The following AOC1 variants were observed in gnomAD, a reference collection of about 807,000 sequenced individuals.
AOC1 encodes diamine oxidase [copper-containing].
In AOC1, 58 loss-of-function variants were observed where a neutral mutation model predicts 57.1. The ratio of observed to expected loss-of-function variants is 1.02; its 90% CI spans 0.82 to 1.26. AOC1 has a LOEUF of 1.26. Among genes scored for constraint, AOC1 ranks in the 50% most tolerant of loss-of-function variants. The pLI is 0.00. For missense variants in AOC1, 917 were observed against 1,005.3 expected, an observed-to-expected ratio of 0.91 and a Z score of 1.19; for synonymous variants, 401 against 423.4, an observed-to-expected ratio of 0.95 and a Z score of 0.65.
Position 150,857,848 on chromosome 7 carries a change from A to C in AOC1, c.1378A>C (p.Asn460His), listed in dbSNP as rs1233616636. 2 of 1,613,856 alleles carry C rather than the reference A, an allele frequency of 1.2e-6. No individual in the cohort carries two copies. Among genetic ancestry groups the C allele is most frequent in the African/African-American group, 2.7e-5 (2 of 74,922 alleles). Residue 460 changes from asparagine (N) to histidine (H), a missense_variant, in exon 2 of 5, where the codon AAT (asparagine) becomes CAT (histidine). Physicochemically the swap from Asn to His is moderately conservative, Grantham distance 68. Coordinates refer to ENST00000360937, the MANE Select transcript of AOC1 (RefSeq NM_001091.4). This position sits in a 1 kb window ranked among gnomAD's most constrained non-coding sequence, Gnocchi z 6.6. ...LVLRTTSTVYNYDYIWDFIFY... is the reference protein window; with the variant it reads ...LVLRTTSTVYHYDYIWDFIFY... ...GCTGCGGACAACTTCAACTGTCTAC[A>C]ATTATGATTACATTTGGGACTTTAT...
intron 2 of AOC1, 124 bp downstream of exon 2, chr7:150,858,164 C>A: frequency 7.7e-7 from 1 of 1,297,964 alleles, no homozygotes; most frequent in Non-Finnish European, 1.0e-6. Flanking sequence ...AAGCCTGCTT[C>A]TGTAAAACCT....
chr7:150,855,350 C>T (rs896410772), intron 1 of AOC1, among the ~76,000 whole-genome samples: 10 of 152,150 alleles, frequency 6.6e-5, no homozygotes, highest in Non-Finnish European at 1.0e-4. Flanking sequence ...GTAGCAACAG[C>T]GCAACAGGCA....
Position 150,856,518 on chromosome 7 carries a change from G to T in AOC1, c.48G>T (p.Thr16=). Residue 16 remains threonine (T), a synonymous_variant, in exon 2 of 5, where the codon ACG becomes ACT. Transcript: ENST00000360937. This position sits in a 1 kb window ranked among gnomAD's most constrained non-coding sequence, Gnocchi z 5.2. ...WAVAAILMLQ[T]AMAEPSPGTL... ...TGGCTGCCATCCTGATGCTGCAGACGGCCATGGCGGAGCCCTCCCCGGGGA... is the reference window on the plus strand; with the variant it reads ...TGGCTGCCATCCTGATGCTGCAGACTGCCATGGCGGAGCCCTCCCCGGGGA... 1 of 1,614,038 alleles carries T rather than the reference G, an allele frequency of 6.2e-7. No individual in the cohort carries two copies. Among genetic ancestry groups the T allele is most frequent in the Non-Finnish European group, 8.5e-7 (1 of 1,179,950 alleles).
chr7:150,854,443 C>G (rs1293252270), intron 1 of AOC1, among the ~76,000 whole-genome samples: 1 of 152,198 alleles, frequency 6.6e-6, no homozygotes, highest in African/African-American at 2.4e-5. Context: ...AAGAACTGCC[C>G]ATCGTGTACA....
chr7:150,860,313 A>C, intron 3 of AOC1, 188 bp from the exon 4 acceptor site: 1 of 839,952 alleles, frequency 1.2e-6, no homozygotes, highest in Non-Finnish European at 1.8e-6. Flanking sequence ...GGGGGCGGGG[A>C]GGACTCCTGT....
chr7:150,854,461 T>C (rs1799715053), intron 1 of AOC1, among the ~76,000 whole-genome samples: 1 of 152,166 alleles, frequency 6.6e-6, no homozygotes, highest in Non-Finnish European at 1.5e-5. Flanking sequence ...ACAAATTAAA[T>C]ACAAAGTGCT....
intron 1 of AOC1, among the ~76,000 whole-genome samples, chr7:150,853,084 G>C (rs1799666958): frequency 6.6e-6 from 1 of 152,214 alleles, no homozygotes; most frequent in Non-Finnish European, 1.5e-5. Flanking sequence ...CAAAACTATG[G>C]AGACAATAAA....
chr7:150,856,851 A>T lies in AOC1; in HGVS notation c.381A>T (p.Ala127=). ...TGCCAGGGCCCTGCTACATGCGAGCACTGTCCCCCAGGCCTGGGTACCAGT... is the reference window on the plus strand; with the variant it reads ...TGCCAGGGCCCTGCTACATGCGAGCTCTGTCCCCCAGGCCTGGGTACCAGT... The part of the protein sequence containing the change: ...GPLPGPCYMR[A]LSPRPGYQSS... The change falls in exon 2 of 5, where the codon GCA becomes GCT. Residue 127 remains alanine, a synonymous_variant. Transcript: ENST00000360937. This position sits in a 1 kb window ranked among gnomAD's most constrained non-coding sequence, Gnocchi z 5.2. 6.2e-7 allele frequency: 1 copy of T among 1,614,078 alleles called. No individual in the cohort carries two copies. Among genetic ancestry groups the T allele is most frequent in the Non-Finnish European group, 8.5e-7 (1 of 1,179,972 alleles).
Position 150,856,965 on chromosome 7 carries a change from C to G in AOC1, c.495C>G (p.Phe165Leu). 6.2e-7 allele frequency: 1 copy of G among 1,614,184 alleles called. No homozygotes were observed. The highest frequency in any genetic ancestry group is 8.5e-7 in the Non-Finnish European group (1 of 1,179,998). ...LQEATKPLHQ[F>L]FLNTTGFSFQ... is the part of the protein sequence containing the mutation. ...AAGCCACCAAGCCCCTGCATCAGTT[C>G]TTCCTCAATACCACAGGCTTCTCAT... Residue 165 changes from phenylalanine to leucine, a missense_variant, in exon 2 of 5, where the codon TTC becomes TTG. Phe to Leu is a conservative substitution (Grantham distance 22, BLOSUM62 0). Coordinates refer to ENST00000360937, the MANE Select transcript of AOC1 (RefSeq NM_001091.4). This position sits in a 1 kb window ranked among gnomAD's most constrained non-coding sequence, Gnocchi z 5.2.
In AOC1 at chr7:150,853,560, A is replaced by G. The variant is rs534140488; in HGVS notation, c.-17+1002A>G. 4.0e-5 allele frequency among the ~76,000 whole-genome samples: 6 copies of G among 151,534 alleles called. No homozygotes were observed. In the South Asian group the frequency reaches 1.0e-3, roughly 26 times the overall value. ...GTCTATTTTTAAAAGTCTATTAAAA[A>G]AAAAGTCTACTATAATCCCAGCACT... On this transcript the variant is annotated intron_variant, in intron 1 of 4. Transcript: ENST00000360937.
chr7:150,858,002 C>T lies in AOC1; in HGVS notation c.1532C>T (p.Thr511Ile). The T allele has an allele frequency of 6.4e-7, 1 of 1,567,550 alleles. No homozygotes were observed. The highest frequency in any genetic ancestry group is 8.6e-7 in the Non-Finnish European group (1 of 1,162,266). ...ACCCACCTGATTGGCAACATACACA[C>T]TCACTTGGTGCACTACCGCGTAGAC... Reference protein sequence around the residue: ...LHTHLIGNIHTHLVHYRVDLD... With the variant: ...LHTHLIGNIHIHLVHYRVDLD... Residue 511 changes from threonine to isoleucine, a missense_variant, in exon 2 of 5, where the codon ACT becomes ATT. Transcript: ENST00000360937.
rs1204865530 is a variant in AOC1, at chr7:150,852,834, C to T, written c.-17+276C>T. Among the ~76,000 whole-genome samples the T allele has an allele frequency of 1.3e-5, 2 of 152,154 alleles. No individual in the cohort carries two copies. Among genetic ancestry groups the T allele is most frequent in the Non-Finnish European group, 1.5e-5 (1 of 68,020 alleles). On this transcript the variant is annotated intron_variant, in intron 1 of 4. Coordinates refer to ENST00000360937, the MANE Select transcript of AOC1 (RefSeq NM_001091.4). The surrounding 1 kb of genome is among the most constrained non-coding windows in gnomAD (Gnocchi z 4.6). ...CCTGCCTGGAGGTCTCACCAGCCAC[C>T]ACCCCCACTGCCACTGCACATGGGG...
Position 150,858,975 on chromosome 7 carries a change from C to G in AOC1, c.1783C>G (p.Leu595Val). 1.9e-6 allele frequency: 3 copies of G among 1,605,942 alleles called. No homozygotes were observed. In the South Asian group the frequency reaches 3.3e-5, roughly 18 times the overall value. The part of the protein sequence containing the change: ...NPWGHKRTYR[L>V]QIHSMADQVL... ...CTGGGGCCACAAGCGCACGTACCGCCTGCAGATCCACTCCATGGCCGACCA... is the reference window on the plus strand; with the variant it reads ...CTGGGGCCACAAGCGCACGTACCGCGTGCAGATCCACTCCATGGCCGACCA... The change falls in exon 3 of 5, where the codon CTG (leucine) becomes GTG (valine). Residue 595 changes from leucine to valine, a missense_variant. Physicochemically the swap from Leu to Val is conservative, Grantham distance 32. Coordinates refer to ENST00000360937, the MANE Select transcript of AOC1 (RefSeq NM_001091.4).
chr7:150,859,604 G>A (rs1340780557), intron 3 of AOC1, among the ~76,000 whole-genome samples: 1 of 150,524 alleles, frequency 6.6e-6, no homozygotes, highest in Non-Finnish European at 1.5e-5. Context: ...TTGGGAGGCT[G>A]AGGCAGGAGA....
At position 150,861,260 on chromosome 7, in the gene AOC1, C is replaced by A; in HGVS notation, c.*51C>A. ...CCTCCCAGGAAGCCCAGGAGCCTCACTGGGGCAGACAATAAACCCTCAGAG... is the reference window on the plus strand; with the variant it reads ...CCTCCCAGGAAGCCCAGGAGCCTCAATGGGGCAGACAATAAACCCTCAGAG... On this transcript the variant is annotated 3_prime_UTR_variant, in exon 5 of 5. Transcript: ENST00000360937. The surrounding 1 kb of genome is among the most constrained non-coding windows in gnomAD (Gnocchi z 4.5). The A allele has an allele frequency of 1.3e-6, 2 of 1,513,226 alleles. No homozygotes were observed. Among genetic ancestry groups the A allele is most frequent in the Non-Finnish European group, 1.8e-6 (2 of 1,125,810 alleles). 93.7% of individuals were successfully genotyped at this position (1,513,226 alleles called of 1,614,324 possible).
At position 150,859,013 on chromosome 7, in the gene AOC1, A is replaced by G; in HGVS notation, c.1821A>G (p.Pro607=). The G allele has an allele frequency of 6.3e-7, 1 of 1,587,718 alleles. No homozygotes were observed. The highest frequency in any genetic ancestry group is 1.3e-5 in the African/African-American group (1 of 74,412). Residue 607 remains proline, a synonymous_variant, in exon 3 of 5, where the codon CCA becomes CCG. Coordinates refer to ENST00000360937, the MANE Select transcript of AOC1 (RefSeq NM_001091.4). The part of the protein sequence containing the change: ...IHSMADQVLP[P]GWQEEQAITW... The stretch of plus-strand genomic sequence containing the variant: ...CCATGGCCGACCAGGTGCTGCCCCC[A>G]GGCTGGCAGGAGGAGCAGGCCATCA...
rs565750754 is a variant in AOC1 at position 150,861,353 on chromosome 7, C to T, written c.*144C>T. 81 of 896,754 alleles carry T rather than the reference C, an allele frequency of 9.0e-5. No individual in the cohort carries two copies. In the South Asian group the frequency reaches 1.2e-3, roughly 13 times the overall value. The allele number at this position is 896,754 out of a possible 1,614,324, so 55.5% of individuals were successfully genotyped here. A position where few individuals can be genotyped will look rare whatever the true frequency, so the allele number is the denominator to read the frequency against. ...TGTGTGTAGGAAACACACGAACAGA[C>T]GTGCACACACACAGACGTGCACACA... On this transcript the variant is annotated 3_prime_UTR_variant, in exon 5 of 5. Transcript: ENST00000360937. This position sits in a 1 kb window ranked among gnomAD's most constrained non-coding sequence, Gnocchi z 4.5.
In AOC1 at chr7:150,857,028, T is replaced by G; in HGVS notation, c.558T>G (p.Asp186Glu). The change falls in exon 2 of 5, where the codon GAT becomes GAG. Residue 186 changes from aspartate (D) to glutamate (E), a missense_variant. Coordinates refer to ENST00000360937, the MANE Select transcript of AOC1 (RefSeq NM_001091.4). The surrounding 1 kb of genome is among the most constrained non-coding windows in gnomAD (Gnocchi z 6.6). ...DCHDRCLAFT[D>E]VAPRGVASGQ... ...ATGACAGATGCCTGGCCTTCACCGA[T>G]GTGGCCCCCCGGGGTGTGGCTTCTG... 6.2e-7 allele frequency: 1 copy of G among 1,614,146 alleles called. No homozygotes were observed. Among genetic ancestry groups the G allele is most frequent in the Non-Finnish European group, 8.5e-7 (1 of 1,179,996 alleles).
chr7:150,859,104 G>A, intron 3 of AOC1, 56 bp downstream of exon 3: 1 of 1,450,236 alleles, frequency 6.9e-7, no homozygotes, highest in Non-Finnish European at 9.1e-7. Context: ...CAGTGTGTGT[G>A]TCTGTGTCTG....
Sources: allele counts gnomAD v4.1 joint callset (sites outside exome capture counted in the v4.1 genomes callset), GRCh38; gene constraint gnomAD v4.1.1; non-coding constraint Gnocchi (gnomAD v3.1); transcripts MANE v1.5; gene names NCBI Gene and HGNC (gene_info 2026-07-23, HGNC 2026-07-21).